The following DDX25 variants were observed in gnomAD, a reference collection of about 807,000 sequenced individuals.
DDX25 encodes the protein ATP-dependent RNA helicase DDX25.
Under a neutral mutation model 64.6 loss-of-function variants are expected in DDX25, and 70 were observed. The ratio of observed to expected loss-of-function variants is 1.08; its 90% CI spans 0.89 to 1.32. The LOEUF (loss-of-function observed/expected upper bound fraction) is 1.32. DDX25 is among the 40% of genes most tolerant of loss of function. The pLI, the probability that DDX25 is intolerant of heterozygous loss-of-function variation, is 0.00. For missense variants in DDX25, 587 were observed against 604.4 expected (o/e 0.97, Z 0.30); for synonymous variants, 211 against 213.3 (o/e 0.99, Z 0.09).
Position 125,923,047 on chromosome 11 carries a change from C to A in DDX25, c.*166C>A. 7 of 573,212 alleles carry A rather than the reference C, an allele frequency of 1.2e-5. No homozygotes were observed. The highest frequency in any genetic ancestry group is 5.4e-5 in the South Asian group (2 of 37,382). The allele number at this position is 573,212 out of a possible 1,614,324, so 35.5% of individuals were successfully genotyped here. A position where few individuals can be genotyped will look rare whatever the true frequency, so the allele number is the denominator to read the frequency against. Reference sequence around the variant, plus strand: ...TTAAGACATGAGGTCTTTTTGAAGCCAAATTGATGTGAAGCTTGTGATCCT... The same window carrying A: ...TTAAGACATGAGGTCTTTTTGAAGCAAAATTGATGTGAAGCTTGTGATCCT... On this transcript the variant is annotated 3_prime_UTR_variant, in exon 12 of 12. Transcript: ENST00000263576.
At chr11:125,917,375 C>G in intron 9 of DDX25, 124 bp downstream of exon 9, 1 of 863,546 alleles carries the variant, frequency 1.2e-6, no homozygotes, top group East Asian at 2.7e-5. Flanking sequence ...CCAGTTTAAT[C>G]TTCAGAACAG....
chr11:125,907,446 A>G (rs1944905788), intron 4 of DDX25, among the ~76,000 whole-genome samples: 1 of 152,088 alleles, frequency 6.6e-6, no homozygotes, highest in African/African-American at 2.4e-5. Context: ...GTCTCTACTA[A>G]AAATACAAAA....
chr11:125,906,364 G>A (rs681416), intron 4 of DDX25, among the ~76,000 whole-genome samples, 155 bp downstream of exon 4: 1 of 151,348 alleles, frequency 6.6e-6, no homozygotes, highest in Non-Finnish European at 1.5e-5. Context: ...CTGTCCCCCA[G>A]GCTGGAGTGC....
intron 4 of DDX25, among the ~76,000 whole-genome samples, chr11:125,907,135 C>T (rs1031878612): frequency 3.3e-5 from 5 of 152,076 alleles, no homozygotes; most frequent in Admixed American, 2.6e-4. Flanking sequence ...TATCATTTGA[C>T]GCTAAAAAAT....
In DDX25 at chr11:125,927,538, C is replaced by T. The variant is rs552266413; in HGVS notation, c.*4657C>T. 69 of 152,228 alleles carry T rather than the reference C, an allele frequency of 4.5e-4. No individual in the cohort carries two copies. The highest frequency in any genetic ancestry group is 1.6e-3 in the African/African-American group (68 of 41,538). 9.4% of individuals were successfully genotyped at this position (152,228 alleles called of 1,614,324 possible). A position where few individuals can be genotyped will look rare whatever the true frequency, so the allele number is the denominator to read the frequency against. ...AGAATAACCATGGGTTTCTCTATTC[C>T]AGTTTCTAGAATATAATTTTCATAA... On this transcript the variant is annotated 3_prime_UTR_variant, in exon 12 of 12. Transcript: ENST00000263576.
intron 4 of DDX25, among the ~76,000 whole-genome samples, chr11:125,907,556 T>C (rs1417703351): frequency 4.7e-4 from 72 of 151,674 alleles, no homozygotes; most frequent in East Asian, 2.5e-3. Flanking sequence ...TGCAGTGAGC[T>C]GAGGTCGCGC....
At chr11:125,911,066 C>CGTTA (rs535823753) in intron 7 of DDX25, among the ~76,000 whole-genome samples, 36 of 151,966 alleles carry the variant, frequency 2.4e-4, no homozygotes, top group Non-Finnish European at 4.1e-4. Flanking sequence ...TTAATGTAAC[C>CGTTA]TATTGATGGA....
chr11:125,911,387 A>C lies in DDX25; in HGVS notation c.699A>C (p.Leu233=). The C allele has an allele frequency of 6.2e-7, 1 of 1,613,900 alleles. No individual in the cohort carries two copies. The highest frequency in any genetic ancestry group is 8.5e-7 in the Non-Finnish European group (1 of 1,179,856). The change falls in exon 8 of 12, where the codon CTA becomes CTC. Residue 233 remains leucine, a synonymous_variant. Coordinates refer to ENST00000263576, the MANE Select transcript of DDX25 (RefSeq NM_013264.5). ...PGTVLDWCFK[L]KLIDLTKIRV... ...CTGTCCTAGATTGGTGTTTTAAACT[A>C]AAATTGATTGATTTGACTAAGATTC... is the stretch of plus-strand genomic sequence containing the variant.
intron 2 of DDX25, 63 bp downstream of exon 2, chr11:125,905,341 T>G: frequency 2.6e-6 from 4 of 1,526,378 alleles, no homozygotes; most frequent in Non-Finnish European, 3.6e-6. Flanking sequence ...TTTGCTTTCA[T>G]CACGTCCCTG....
chr11:125,921,375 C>T lies in DDX25; in HGVS notation c.1386C>T (p.His462=). The change falls in exon 11 of 12, where the codon CAC becomes CAT. Residue 462 remains histidine, a synonymous_variant. Transcript: ENST00000263576. The surrounding 1 kb of genome is among the most constrained non-coding windows in gnomAD (Gnocchi z 4.1). ...ELPSLMKIQD[H]FNSSIKQLNA... ...CCTCGCTCATGAAAATCCAGGACCA[C>T]TTTAGTAAGTAGCACCACCCTCACA... 1 of 1,613,426 alleles carries T rather than the reference C, an allele frequency of 6.2e-7. No homozygotes were observed. Among genetic ancestry groups the T allele is most frequent in the Non-Finnish European group, 8.5e-7 (1 of 1,179,632 alleles).
rs889694545 is a variant in DDX25 at position 125,923,055 on chromosome 11, T to C, written c.*174T>C. 5.2e-6 allele frequency: 3 copies of C among 577,468 alleles called. No homozygotes were observed. Among genetic ancestry groups the C allele is most frequent in the African/African-American group, 3.7e-5 (2 of 53,348 alleles). 35.8% of individuals were successfully genotyped at this position (577,468 alleles called of 1,614,324 possible). ...TGAGGTCTTTTTGAAGCCAAATTGATGTGAAGCTTGTGATCCTTTTGAATA... is the reference window on the plus strand; with the variant it reads ...TGAGGTCTTTTTGAAGCCAAATTGACGTGAAGCTTGTGATCCTTTTGAATA... On this transcript the variant is annotated 3_prime_UTR_variant, in exon 12 of 12. Coordinates refer to ENST00000263576, the MANE Select transcript of DDX25 (RefSeq NM_013264.5).
intron 4 of DDX25, among the ~76,000 whole-genome samples, chr11:125,907,420 A>G (rs183980336): frequency 6.6e-6 from 1 of 152,140 alleles, no homozygotes; most frequent in Non-Finnish European, 1.5e-5. Context: ...CATCCTGGCT[A>G]ACACAGTGAA....
chr11:125,918,127 C>T (rs1565467337), intron 9 of DDX25, among the ~76,000 whole-genome samples: 5 of 152,132 alleles, frequency 3.3e-5, no homozygotes, highest in South Asian at 2.1e-4. Context: ...GTGATCCACC[C>T]GCCTTGGCCT....
In DDX25 at chr11:125,923,275, T is replaced by C. The variant is rs957989387; in HGVS notation, c.*394T>C. The C allele has an allele frequency of 6.1e-6, 1 of 165,196 alleles. No homozygotes were observed. Among genetic ancestry groups the C allele is most frequent in the Middle Eastern group, 2.9e-3 (1 of 342 alleles). The allele number at this position is 165,196 out of a possible 1,614,324, so 10.2% of individuals were successfully genotyped here. Reference sequence around the variant, plus strand: ...GAGCGAGTAGGAAAAAGCCCATGTCTTCAGACCTCACTCACAGGTGCCCTT... The same window carrying C: ...GAGCGAGTAGGAAAAAGCCCATGTCCTCAGACCTCACTCACAGGTGCCCTT... On this transcript the variant is annotated 3_prime_UTR_variant, in exon 12 of 12. Transcript: ENST00000263576.
chr11:125,913,860 CA>C (rs10523721), intron 8 of DDX25, among the ~76,000 whole-genome samples: 36,668 of 150,504 alleles, frequency 0.24, 4,521 homozygotes, highest in East Asian at 0.33. Context: ...CATAACAATC[CA>C]AAAAAAAAAA....
intron 9 of DDX25, among the ~76,000 whole-genome samples, chr11:125,917,964 C>T (rs967539577): frequency 5.3e-5 from 8 of 152,078 alleles, no homozygotes; most frequent in African/African-American, 1.2e-4. Context: ...CTGCAATCTC[C>T]GCCTCCTGGG....
intron 1 of DDX25, 101 bp from the exon 2 acceptor site, chr11:125,905,111 G>T: frequency 9.6e-7 from 1 of 1,046,300 alleles, no homozygotes; most frequent in South Asian, 1.4e-5. Context: ...CAATACCCGG[G>T]TGTCCTTCCC....
upstream of DDX25, chr11:125,903,338 C>T: frequency 1.7e-6 from 1 of 598,106 alleles, no homozygotes; most frequent in Non-Finnish European, 2.1e-6. Context: ...AGTCCAGCTA[C>T]CGTTTCTCCG....
At chr11:125,912,289 C>T (rs1170380146) in intron 8 of DDX25, among the ~76,000 whole-genome samples, 1 of 152,134 alleles carries the variant, frequency 6.6e-6, no homozygotes, top group Non-Finnish European at 1.5e-5. Context: ...TCTACCTTTC[C>T]TATCCCCCCA....
Sources: allele counts gnomAD v4.1 joint callset (sites outside exome capture counted in the v4.1 genomes callset), GRCh38; gene constraint gnomAD v4.1.1; non-coding constraint Gnocchi (gnomAD v3.1); transcripts MANE v1.5; gene names NCBI Gene and HGNC (gene_info 2026-07-23, HGNC 2026-07-21).